Variants in KLHDC4 observed in about 807,000 individuals in gnomAD.
The protein encoded by KLHDC4 is kelch domain containing 4, also known as kelch domain-containing protein 4.
Under a neutral mutation model 62.4 loss-of-function variants are expected in KLHDC4, and 90 were observed. That is an observed-to-expected ratio of 1.44 (90% CI 1.22 to 1.72). The LOEUF (loss-of-function observed/expected upper bound fraction) is 1.72, where lower values mean the gene tolerates loss of function less well. Among genes scored for constraint, KLHDC4 ranks in the 40% most tolerant of loss-of-function variants. The pLI is 0.00. For synonymous variants in KLHDC4, 386 were observed against 284.4 expected (o/e 1.36, Z -3.59); for missense variants, 1,025 against 699.7 (o/e 1.47, Z -5.25).
At position 87,747,127 on chromosome 16, in the gene KLHDC4, A is replaced by G. The variant is rs530969375; in HGVS notation, c.506+1546T>C. Among the ~76,000 whole-genome samples the G allele has an allele frequency of 2.6e-5, 4 of 152,374 alleles. No homozygotes were observed. In the South Asian group the frequency reaches 8.3e-4, roughly 32 times the overall value. ...GAGTGACAGAACCAGCAAAGCCTGA[A>G]GGCACGAGAGAGCCCTCATGTCACA... On this transcript the variant is annotated intron_variant, in intron 5 of 11. Coordinates refer to ENST00000270583, the MANE Select transcript of KLHDC4 (RefSeq NM_017566.4).
At chr16:87,763,164 G>C (rs1800067757) in intron 1 of KLHDC4, among the ~76,000 whole-genome samples, 1 of 152,166 alleles carries the variant, frequency 6.6e-6, no homozygotes, top group African/African-American at 2.4e-5. Context: ...AAGGAATAAA[G>C]TGTCACCCAC....
At chr16:87,746,829 A>G (rs2043110288) in intron 5 of KLHDC4, among the ~76,000 whole-genome samples, 2 of 152,218 alleles carry the variant, frequency 1.3e-5, no homozygotes, top group African/African-American at 2.4e-5. Context: ...TAGCTTCTAC[A>G]ATATACCTTT....
At chr16:87,713,969 T>G (rs1270086824) in intron 8 of KLHDC4, among the ~76,000 whole-genome samples, 4 of 152,050 alleles carry the variant, frequency 2.6e-5, no homozygotes, top group Admixed American at 2.6e-4. Context: ...GCCGTCCCTG[T>G]GAGGGCCAAT....
chr16:87,735,447 G>A (rs1285128530), intron 5 of KLHDC4, among the ~76,000 whole-genome samples: 1 of 152,216 alleles, frequency 6.6e-6, no homozygotes, highest in Non-Finnish European at 1.5e-5. Flanking sequence ...CAGCCCCATA[G>A]ATGGGGCGCC....
intron 8 of KLHDC4, among the ~76,000 whole-genome samples, chr16:87,712,673 C>A (rs942077709): frequency 6.6e-6 from 1 of 152,276 alleles, no homozygotes; most frequent in Non-Finnish European, 1.5e-5. Context: ...GGAGAGGCAC[C>A]TGGGCCTTTT....
intron 7 of KLHDC4, among the ~76,000 whole-genome samples, chr16:87,724,729 C>T (rs1009963777): frequency 6.6e-6 from 1 of 152,186 alleles, no homozygotes; most frequent in Non-Finnish European, 1.5e-5. Context: ...ATTTCCAGCA[C>T]AAGTGGAACC....
intron 8 of KLHDC4, among the ~76,000 whole-genome samples, chr16:87,712,018 GGGGACCCTCCGCCCTGCACA>G (rs1455252754): frequency 3.1e-3 from 463 of 149,598 alleles, no homozygotes; most frequent in African/African-American, 0.011. Context: ...GGGCCTGCAC[GGGGACCCTCCGCCCTGCACA>G]GGGACCCTTC....
At chr16:87,726,203 GCGCCT>G (rs1487595956) in intron 7 of KLHDC4, among the ~76,000 whole-genome samples, 3 of 145,178 alleles carry the variant, frequency 2.1e-5, no homozygotes, top group Non-Finnish European at 4.6e-5. Flanking sequence ...TCCCCACCCC[GCGCCT>G]CGCCCGTCTC....
chr16:87,746,941 G>A (rs373609521), intron 5 of KLHDC4, among the ~76,000 whole-genome samples: 16 of 152,184 alleles, frequency 1.1e-4, no homozygotes, highest in Non-Finnish European at 1.9e-4. Flanking sequence ...CGGATGTCCC[G>A]CGTACGACCG....
downstream of KLHDC4, chr16:87,707,726 C>T (rs2034923710): frequency 3.5e-6 from 1 of 288,364 alleles, no homozygotes; most frequent in Non-Finnish European, 6.9e-6. Flanking sequence ...GGTGGTCTCG[C>T]CCTAGGCCCA....
chr16:87,749,210 G>A (rs962051322), intron 4 of KLHDC4, among the ~76,000 whole-genome samples: 1 of 151,826 alleles, frequency 6.6e-6, no homozygotes, highest in Non-Finnish European at 1.5e-5. Context: ...CCCTCTCCTT[G>A]CTATCATGTG....
intron 7 of KLHDC4, among the ~76,000 whole-genome samples, chr16:87,723,013 C>T (rs370327067): frequency 1.3e-5 from 2 of 152,210 alleles, no homozygotes; most frequent in East Asian, 3.8e-4. Context: ...GGCCGCGCAG[C>T]AGCACAGCAC....
In KLHDC4 at chr16:87,748,782, G is replaced by A. The variant is rs763748086; in HGVS notation, c.397C>T (p.Gln133Ter). 1.2e-6 allele frequency: 2 copies of A among 1,612,990 alleles called. No homozygotes were observed. Among genetic ancestry groups the A allele is most frequent in the East Asian group, 2.2e-5 (1 of 44,830 alleles). Reference protein sequence around the residue: ...QAVVVPQGGGQLWVFGGEFAS... With the variant: ...QAVVVPQGGG ...AACTCCCCTCCAAAGACCCACAGCT[G>A]TCCGCCACCTTGAGGCACTACCACC... Residue 133 changes from glutamine to a stop codon, truncating the protein, a stop_gained, in exon 5 of 12, where the codon CAG becomes TAG. Coordinates refer to ENST00000270583, the MANE Select transcript of KLHDC4 (RefSeq NM_017566.4). LOFTEE classifies it high-confidence loss of function.
At chr16:87,727,560 G>C (rs1177019417) in intron 6 of KLHDC4, among the ~76,000 whole-genome samples, 1 of 152,188 alleles carries the variant, frequency 6.6e-6, no homozygotes, top group Non-Finnish European at 1.5e-5. Context: ...AGGCCCCGCA[G>C]CCTTGCCCTG....
At chr16:87,701,294 G>GCCAC (rs1424670709) in exon 1 of KLHDC4, 1 of 237,300 alleles carries the variant, frequency 4.2e-6, no homozygotes, top group East Asian at 1.0e-4. Context: ...GAGGACCTCA[G>GCCAC]CCACCCAGGT....
chr16:87,737,087 T>G (rs111786824), intron 5 of KLHDC4, among the ~76,000 whole-genome samples: 2 of 121,244 alleles, frequency 1.6e-5, no homozygotes, highest in African/African-American at 3.2e-5. Flanking sequence ...ATGGCGCCTT[T>G]GTACTCCAGC....
In KLHDC4 at chr16:87,734,338, C is replaced by A. The variant is rs766889545; in HGVS notation, c.507-3694G>T. ...CAGTCTGGGCGATAGAGCAAGACTC[C>A]GTCTCAAGAAAAAAAAAACACAAGA... On this transcript the variant is annotated intron_variant, in intron 5 of 11. Transcript: ENST00000270583. Among the ~76,000 whole-genome samples the A allele has an allele frequency of 2.0e-5, 3 of 151,582 alleles. No individual in the cohort carries two copies. The South Asian group carries it at 6.2e-4, about 32-fold the overall frequency.
chr16:87,711,378 C>A lies in KLHDC4; in HGVS notation c.901G>T (p.Val301Leu), dbSNP rs369702729. The A allele has an allele frequency of 1.4e-4, 219 of 1,613,764 alleles. No individual in the cohort carries two copies. Among genetic ancestry groups the A allele is most frequent in the Non-Finnish European group, 1.8e-4 (210 of 1,180,026 alleles). ...VKPTPRSGFS[V>L]AMAPNHQTLF... Reference sequence around the variant, plus strand: ...GTCTGGTGATTCGGGGCCATGGCCACGGAAAAGCCAGACCGTGGGGTGGGC... The same window carrying A: ...GTCTGGTGATTCGGGGCCATGGCCAAGGAAAAGCCAGACCGTGGGGTGGGC... Residue 301 changes from valine to leucine, a missense_variant, in exon 9 of 12, where the codon GTG (valine) becomes TTG (leucine). Transcript: ENST00000270583.
rs779765458 is a variant in KLHDC4 at position 87,756,408 on chromosome 16, G to A, written c.261C>T (p.Asn87=). 80 of 1,611,228 alleles carry A rather than the reference G, an allele frequency of 5.0e-5. No individual in the cohort carries two copies. The highest frequency in any genetic ancestry group is 1.6e-4 in the Middle Eastern group (1 of 6,076). The change falls in exon 3 of 12, where the codon AAC becomes AAT. Residue 87 remains asparagine (N), a synonymous_variant. Coordinates refer to ENST00000270583, the MANE Select transcript of KLHDC4 (RefSeq NM_017566.4). ...ELILFGGEYF[N]GQKTFLYNEL... ...AAAATATATACTTTACTTTTTGGCC[G>A]TTGAAATATTCACCTCCAAAAAGGA...
Sources: gnomAD v4.1 joint callset for allele counts (sites outside exome capture counted in the v4.1 genomes callset) on GRCh38, gnomAD v4.1.1 for gene constraint, MANE v1.5 for transcripts, NCBI Gene and HGNC (gene_info 2026-07-23, HGNC 2026-07-21) for gene names.